Variants in MTA3 observed in about 807,000 individuals in gnomAD.
The protein encoded by MTA3 is metastasis-associated protein MTA3.
A neutral mutation model predicts 83.5 loss-of-function variants in MTA3; 34 were observed. The observed-to-expected ratio is 0.41, with a 90% CI of 0.31 to 0.54. MTA3 has a LOEUF of 0.54. Among genes scored for constraint, MTA3 ranks in the 20% least tolerant of loss-of-function variants. The probability of loss-of-function intolerance (pLI) is 0.33; values close to 1 mark genes in which losing one functional copy is unlikely to be tolerated. For missense variants in MTA3, 761 were observed against 726.4 expected, an observed-to-expected ratio of 1.05 and a Z score of -0.55; for synonymous variants, 303 against 252.7, an observed-to-expected ratio of 1.20 and a Z score of -1.89.
intron 15 of MTA3, among the ~76,000 whole-genome samples, chr2:42,719,344 A>G (rs1414801727): frequency 6.6e-6 from 1 of 152,220 alleles, no homozygotes; most frequent in African/African-American, 2.4e-5. Flanking sequence ...GGAAATAAAT[A>G]CAGATTAAGC....
chr2:42,671,864 A>G (rs150206117), intron 8 of MTA3, among the ~76,000 whole-genome samples: 1 of 152,328 alleles, frequency 6.6e-6, no homozygotes, highest in East Asian at 1.9e-4. Flanking sequence ...CTCTGGCAAC[A>G]TCAAGGTCTG....
chr2:42,725,753 C>T (rs1466830751), intron 16 of MTA3, among the ~76,000 whole-genome samples: 2 of 152,190 alleles, frequency 1.3e-5, no homozygotes, highest in East Asian at 1.9e-4. Flanking sequence ...GGGACAGGAC[C>T]GAGCAGTTCC....
chr2:42,675,209 C>T (rs1483700217), intron 8 of MTA3, among the ~76,000 whole-genome samples: 3 of 151,980 alleles, frequency 2.0e-5, no homozygotes, highest in Admixed American at 6.6e-5. Context: ...CGTCTCTGCT[C>T]ACTGCAACAG....
At position 42,742,408 on chromosome 2, in the gene MTA3, G is replaced by A. The variant is rs376716854; in HGVS notation, c.1760-10966G>A. 9.2e-5 allele frequency among the ~76,000 whole-genome samples: 14 copies of A among 152,128 alleles called. 1 individual carries two copies. The highest frequency in any genetic ancestry group is 6.5e-5 in the Admixed American group (1 of 15,278). On this transcript the variant is annotated intron_variant, in intron 16 of 16. Transcript: ENST00000405094. Reference sequence around the variant, plus strand: ...CCTGCCTCAGCCTCCCAAAGTGCTAGGTTTACAGGCGTGAGTCACTGAAGC... The same window carrying A: ...CCTGCCTCAGCCTCCCAAAGTGCTAAGTTTACAGGCGTGAGTCACTGAAGC...
chr2:42,679,148 A>C (rs1432320293), intron 8 of MTA3, among the ~76,000 whole-genome samples: 1 of 152,168 alleles, frequency 6.6e-6, no homozygotes, highest in Non-Finnish European at 1.5e-5. Context: ...TACTTGCCCT[A>C]CCTACTTCAC....
chr2:42,700,561 A>G (rs1368167739), intron 11 of MTA3, among the ~76,000 whole-genome samples: 1 of 152,204 alleles, frequency 6.6e-6, no homozygotes, highest in African/African-American at 2.4e-5. Context: ...GTACATTTGT[A>G]TTAGCTCTTT....
At chr2:42,703,988 C>T (rs978133246) in intron 11 of MTA3, 16 of 497,036 alleles carry the variant, frequency 3.2e-5, no homozygotes, top group Non-Finnish European at 5.4e-5. Context: ...CAGGCATAAG[C>T]AATTCCTTTT....
chr2:42,544,473 CAAAA>C (rs200667321), intron 2 of MTA3, among the ~76,000 whole-genome samples: 1 of 131,556 alleles, frequency 7.6e-6, no homozygotes, highest in African/African-American at 2.8e-5. Flanking sequence ...AAAACAAAAA[CAAAA>C]AAAAAAACAT....
intron 9 of MTA3, among the ~76,000 whole-genome samples, chr2:42,683,095 C>T (rs1216741361): frequency 2.0e-5 from 3 of 152,068 alleles, no homozygotes; most frequent in South Asian, 2.1e-4. Context: ...ACAAAAAAAC[C>T]CCTACACTAT....
chr2:42,708,192 C>A (rs1227407514), intron 13 of MTA3, 138 bp downstream of exon 13: 5 of 873,630 alleles, frequency 5.7e-6, no homozygotes, highest in Non-Finnish European at 8.1e-6. Context: ...CTACAATATT[C>A]AGGGTAGGTG....
intron 2 of MTA3, among the ~76,000 whole-genome samples, chr2:42,526,558 G>A (rs918233204): frequency 6.6e-6 from 1 of 152,202 alleles, no homozygotes; most frequent in Non-Finnish European, 1.5e-5. Flanking sequence ...CACCCTGGCA[G>A]ACGGCTTGTG....
At chr2:42,607,500 C>T (rs1012830018) in intron 3 of MTA3, among the ~76,000 whole-genome samples, 1 of 152,126 alleles carries the variant, frequency 6.6e-6, no homozygotes, top group African/African-American at 2.4e-5. Context: ...CTACATCAGT[C>T]TCTGAGTAGC....
chr2:42,755,274 A>C lies in MTA3; in HGVS notation c.*1875A>C. ...CCTTTCACTTTCTCTCTGAACCCCT[A>C]CTAAGTGGTGACTGCAGATTCTGGA... On this transcript the variant is annotated 3_prime_UTR_variant, in exon 17 of 17. Transcript: ENST00000405094. 5.1e-6 allele frequency: 5 copies of C among 985,410 alleles called. No homozygotes were observed. Among genetic ancestry groups the C allele is most frequent in the Non-Finnish European group, 6.0e-6 (5 of 829,936 alleles). 61.0% of individuals were successfully genotyped at this position (985,410 alleles called of 1,614,324 possible).
intron 16 of MTA3, among the ~76,000 whole-genome samples, chr2:42,730,560 C>G (rs1415968834): frequency 6.6e-6 from 1 of 152,086 alleles, no homozygotes; most frequent in African/African-American, 2.4e-5. Flanking sequence ...GGGATAAATC[C>G]CACTTGGTCA....
At chr2:42,738,232 G>A (rs1173922415) in intron 16 of MTA3, among the ~76,000 whole-genome samples, 1 of 152,100 alleles carries the variant, frequency 6.6e-6, no homozygotes, top group African/African-American at 2.4e-5. Context: ...ACTGGACAAG[G>A]CTGGGCAACA....
chr2:42,594,935 A>G (rs1366395083), intron 3 of MTA3, among the ~76,000 whole-genome samples: 7 of 144,802 alleles, frequency 4.8e-5, no homozygotes, highest in Non-Finnish European at 1.0e-4. Flanking sequence ...TTTATTTTTT[A>G]GTAGAGATGG....
chr2:42,541,554 A>G (rs1258798815), intron 2 of MTA3, among the ~76,000 whole-genome samples: 1 of 152,154 alleles, frequency 6.6e-6, no homozygotes, highest in Non-Finnish European at 1.5e-5. Context: ...GTAGACTACT[A>G]TGTGTTCTGA....
intron 9 of MTA3, among the ~76,000 whole-genome samples, chr2:42,686,219 A>G (rs1692349284): frequency 6.6e-6 from 1 of 152,234 alleles, no homozygotes. Flanking sequence ...TTAAGAACAA[A>G]TTGTGTAGAA....
chr2:42,756,898 A>C lies in MTA3; in HGVS notation c.*3499A>C. 1.0e-6 allele frequency: 1 copy of C among 985,534 alleles called. No homozygotes were observed. The highest frequency in any genetic ancestry group is 1.2e-6 in the Non-Finnish European group (1 of 829,992). The allele number at this position is 985,534 out of a possible 1,614,324, so 61.0% of individuals were successfully genotyped here. ...GATTGTCTGTCTGTAAGGAGATGCC[A>C]TCTACTAACCAATTTGTATTGTGTT... On this transcript the variant is annotated 3_prime_UTR_variant, in exon 17 of 17. Transcript: ENST00000405094.
Sources: allele counts gnomAD v4.1 joint callset (sites outside exome capture counted in the v4.1 genomes callset), GRCh38; gene constraint gnomAD v4.1.1; transcripts MANE v1.5; gene names NCBI Gene and HGNC (gene_info 2026-07-23, HGNC 2026-07-21).